Variants in ZNF736 observed in about 807,000 individuals in gnomAD.
ZNF736 encodes zinc finger protein 736.
In ZNF736, 6 loss-of-function variants were observed where a neutral mutation model predicts 11.7. The observed-to-expected ratio is 0.51, with a 90% CI of 0.28 to 1.01. ZNF736 has a LOEUF of 1.01. ZNF736 is among the 50% of genes least tolerant of loss of function. The pLI is 0.09. For missense variants in ZNF736, 444 were observed against 496.0 expected (o/e 0.90, Z 1.00); for synonymous variants, 139 against 164.7 (o/e 0.84, Z 1.19).
intron 3 of ZNF736, chr7:64,337,188 ATGTG>A (rs892795349): frequency 7.5e-6 from 4 of 535,364 alleles, no homozygotes; most frequent in Non-Finnish European, 1.3e-5. Context: ...CCCTTCAGTA[ATGTG>A]TGTGTGTGTG....
chr7:64,329,881 T>C (rs986408972), intron 1 of ZNF736, among the ~76,000 whole-genome samples: 7 of 152,342 alleles, frequency 4.6e-5, no homozygotes, highest in Non-Finnish European at 1.0e-4. Flanking sequence ...AAAATGCCTT[T>C]GGTAGCAAGA....
intron 1 of ZNF736, 84 bp downstream of exon 1, chr7:64,314,237 T>G: frequency 6.6e-7 from 1 of 1,519,440 alleles, no homozygotes; most frequent in South Asian, 1.3e-5. Context: ...TATCTGGGCC[T>G]TCTCGCGGTC....
intron 1 of ZNF736, among the ~76,000 whole-genome samples, chr7:64,322,006 A>G (rs571597140): frequency 6.0e-5 from 8 of 134,064 alleles, no homozygotes; most frequent in African/African-American, 2.3e-4. Context: ...AACATTGATT[A>G]GTGATAAGCT....
Position 64,349,297 on chromosome 7 carries a change from A to T in ZNF736, c.*150A>T. The stretch of plus-strand genomic sequence containing the variant: ...AACTTACTTTATAATCTGGTTGCTT[A>T]TATGTTGGGTACATATATAGCCCTT... On this transcript the variant is annotated 3_prime_UTR_variant, in exon 4 of 4. Transcript: ENST00000423484. 1.4e-6 allele frequency: 1 copy of T among 710,904 alleles called. No homozygotes were observed. The highest frequency in any genetic ancestry group is 2.2e-6 in the Non-Finnish European group (1 of 453,000). 44.0% of individuals were successfully genotyped at this position (710,904 alleles called of 1,614,324 possible).
Position 64,348,890 on chromosome 7 carries a change from T to C in ZNF736, c.1027T>C (p.Cys343Arg). 6.2e-7 allele frequency: 1 copy of C among 1,608,632 alleles called. No homozygotes were observed. Among genetic ancestry groups the C allele is most frequent in the Middle Eastern group, 1.7e-4 (1 of 6,056 alleles). ...RIHTGEKPYI[C>R]EECGKAFTRS... ...TCATACTGGAGAGAAACCCTACATC[T>C]GTGAAGAATGTGGCAAAGCCTTTAC... Residue 343 changes from cysteine to arginine, a missense_variant, in exon 4 of 4, where the codon TGT becomes CGT. Cys to Arg is a radical substitution (Grantham distance 180). Coordinates refer to ENST00000423484, the MANE Select transcript of ZNF736 (RefSeq NM_001170905.3).
Position 64,335,025 on chromosome 7 carries a change from TAACA to T in ZNF736, c.4-1230_4-1227del, listed in dbSNP as rs199995872. Among the ~76,000 whole-genome samples the T allele has an allele frequency of 8.6e-3, 1,303 of 152,170 alleles. 51 individuals carry two copies. In the South Asian group the frequency reaches 0.1, roughly 12 times the overall value. ...GCTGGAACCATCATTCTCAGCAAAC[TAACA>T]AACTAACACAGGAACAGAAAACCAA... is the stretch of plus-strand genomic sequence containing the variant. On this transcript the variant is annotated intron_variant, in intron 1 of 3. Transcript: ENST00000423484.
At chr7:64,329,290 A>G (rs960667623) in intron 1 of ZNF736, among the ~76,000 whole-genome samples, 2 of 152,132 alleles carry the variant, frequency 1.3e-5, no homozygotes, top group African/African-American at 4.8e-5. Flanking sequence ...GTTTTCCTGA[A>G]TAGTCTTAAT....
chr7:64,345,581 T>C (rs190449923), intron 3 of ZNF736, among the ~76,000 whole-genome samples: 1,794 of 151,396 alleles, frequency 0.012, 33 homozygotes, highest in African/African-American at 0.042. Flanking sequence ...TACAAAAAAT[T>C]AGCTGGGCGT....
chr7:64,354,947 A>G lies in ZNF736; in HGVS notation c.*5800A>G, dbSNP rs1289882744. 1 of 152,244 alleles carries G rather than the reference A, an allele frequency of 6.6e-6. No individual in the cohort carries two copies. Among genetic ancestry groups the G allele is most frequent in the Non-Finnish European group, 1.5e-5 (1 of 68,038 alleles). The allele number at this position is 152,244 out of a possible 1,614,324, so 9.4% of individuals were successfully genotyped here. ...ATACTAGCTATGTAATAGAAGCTACATAATTAGAAGTAAATATTCTTTTTG... is the reference window on the plus strand; with the variant it reads ...ATACTAGCTATGTAATAGAAGCTACGTAATTAGAAGTAAATATTCTTTTTG... On this transcript the variant is annotated 3_prime_UTR_variant, in exon 4 of 4. Transcript: ENST00000423484.
chr7:64,345,159 G>T (rs1249238049), intron 3 of ZNF736, among the ~76,000 whole-genome samples: 1 of 151,388 alleles, frequency 6.6e-6, no homozygotes, highest in African/African-American at 2.4e-5. Flanking sequence ...GAGTAGCTGG[G>T]GCTATAGTTG....
At position 64,319,363 on chromosome 7, in the gene ZNF736, A is replaced by G. The variant is rs1449127557; in HGVS notation, c.3+5210A>G. Among the ~76,000 whole-genome samples the G allele has an allele frequency of 3.2e-4, 39 of 122,950 alleles. 2 individuals are homozygous for G. Among genetic ancestry groups the G allele is most frequent in the African/African-American group, 1.2e-3 (35 of 29,966 alleles). 80.7% of individuals were successfully genotyped at this position (122,950 alleles called of 152,430 possible). ...TATATATATATATATATATATATAT[A>G]TATATATATATATATATGCCTGACT... On this transcript the variant is annotated intron_variant, in intron 1 of 3. Transcript: ENST00000423484.
intron 3 of ZNF736, among the ~76,000 whole-genome samples, chr7:64,344,316 A>T (rs1379841755): frequency 2.0e-5 from 3 of 152,230 alleles, no homozygotes; most frequent in Non-Finnish European, 2.9e-5. Flanking sequence ...AATAAAAATT[A>T]AAAAATGTAT....
chr7:64,333,775 G>A (rs1480163494), intron 1 of ZNF736, among the ~76,000 whole-genome samples: 2 of 151,904 alleles, frequency 1.3e-5, no homozygotes, highest in Admixed American at 6.6e-5. Context: ...GATTTTCTTC[G>A]CAGAATTAGA....
Position 64,348,855 on chromosome 7 carries a change from A to G in ZNF736, c.992A>G (p.His331Arg). ...AFKWFSALSKHKRIHTGEKPY... is the reference protein window; with the variant it reads ...AFKWFSALSKRKRIHTGEKPY... ...AAGTGGTTCTCGGCCCTTAGTAAAC[A>G]TAAGAGAATTCATACTGGAGAGAAA... is the stretch of plus-strand genomic sequence containing the variant. The change falls in exon 4 of 4, where the codon CAT becomes CGT. Residue 331 changes from histidine (H) to arginine (R), a missense_variant. His to Arg is a conservative substitution (Grantham distance 29). Transcript: ENST00000423484. 1 of 1,604,440 alleles carries G rather than the reference A, an allele frequency of 6.2e-7. No individual in the cohort carries two copies. The highest frequency in any genetic ancestry group is 8.5e-7 in the Non-Finnish European group (1 of 1,175,258).
At chr7:64,328,277 A>T (rs1401037614) in intron 1 of ZNF736, among the ~76,000 whole-genome samples, 2 of 148,632 alleles carry the variant, frequency 1.3e-5, no homozygotes, top group Admixed American at 6.7e-5. Flanking sequence ...TGGTAGAAGG[A>T]TATTTTTGCT....
rs1350477008 is a variant in ZNF736, at chr7:64,354,337, T to G, written c.*5190T>G. 2.6e-5 allele frequency: 4 copies of G among 152,202 alleles called. 1 individual carries two copies. The South Asian group carries it at 6.2e-4, about 24-fold the overall frequency. 9.4% of individuals were successfully genotyped at this position (152,202 alleles called of 1,614,324 possible). A position where few individuals can be genotyped will look rare whatever the true frequency, so the allele number is the denominator to read the frequency against. On this transcript the variant is annotated 3_prime_UTR_variant, in exon 4 of 4. Coordinates refer to ENST00000423484, the MANE Select transcript of ZNF736 (RefSeq NM_001170905.3). ...AAATAAACTTCAGGTGTAACAGATT[T>G]ATAGAGAAAGTAATCATATTTGTTT...
At position 64,348,522 on chromosome 7, in the gene ZNF736, A is replaced by G; in HGVS notation, c.659A>G (p.Lys220Arg). 1 of 1,578,342 alleles carries G rather than the reference A, an allele frequency of 6.3e-7. No homozygotes were observed. Reference sequence around the variant, plus strand: ...AAGTTTTCAAACCTTACTGAACATAAGAGAGTTCATACTGGAGAGAAACCT... The same window carrying G: ...AAGTTTTCAAACCTTACTGAACATAGGAGAGTTCATACTGGAGAGAAACCT... ...FKKFSNLTEHKRVHTGEKPYK... is the reference protein window; with the variant it reads ...FKKFSNLTEHRRVHTGEKPYK... The change falls in exon 4 of 4, where the codon AAG becomes AGG. Residue 220 changes from lysine (K) to arginine (R), a missense_variant. Physicochemically the swap from Lys to Arg is conservative, Grantham distance 26 (BLOSUM62 2). Transcript: ENST00000423484.
chr7:64,316,861 G>A (rs1188314335), intron 1 of ZNF736, among the ~76,000 whole-genome samples: 7 of 152,028 alleles, frequency 4.6e-5, no homozygotes, highest in African/African-American at 9.7e-5. Flanking sequence ...GTAAGATTCC[G>A]CGTCTGTTCT....
At chr7:64,320,452 TG>T (rs1358048433) in intron 1 of ZNF736, among the ~76,000 whole-genome samples, 155 of 152,320 alleles carry the variant, frequency 1.0e-3, no homozygotes, top group African/African-American at 3.1e-3. Context: ...ATGTATGTAA[TG>T]TTTTTTTGCC....
Sources: gnomAD v4.1 joint callset for allele counts (sites outside exome capture counted in the v4.1 genomes callset) on GRCh38, gnomAD v4.1.1 for gene constraint, MANE v1.5 for transcripts, NCBI Gene and HGNC (gene_info 2026-07-23, HGNC 2026-07-21) for gene names.